ZNF232: variants seen among roughly 807,000 people sequenced by gnomAD.
ZNF232 encodes the protein zinc finger and SCAN domain-containing protein 11.
In ZNF232, 25 loss-of-function variants were observed where a neutral mutation model predicts 25.2. That is an observed-to-expected ratio of 0.99 (90% CI 0.72 to 1.39). The LOEUF (loss-of-function observed/expected upper bound fraction) is 1.39, where lower values mean the gene tolerates loss of function less well. ZNF232 is among the 40% of genes most tolerant of loss of function. ZNF232 has a pLI of 0.00. For synonymous variants in ZNF232, 193 were observed against 182.9 expected (o/e 1.06, Z -0.45); for missense variants, 519 against 520.9 (o/e 1.00, Z 0.04).
chr17:5,119,846 A>T (rs2072612085), intron 1 of ZNF232, among the ~76,000 whole-genome samples: 1 of 152,180 alleles, frequency 6.6e-6, no homozygotes, highest in Non-Finnish European at 1.5e-5. Context: ...TGACCCGTGA[A>T]GAAACTGAAG....
chr17:5,118,845 A>G (rs891309188), intron 1 of ZNF232, among the ~76,000 whole-genome samples: 2 of 152,188 alleles, frequency 1.3e-5, no homozygotes, highest in Admixed American at 6.5e-5. Flanking sequence ...TCTCTCATCT[A>G]CTGACTGAGT....
At chr17:5,119,792 C>T (rs987414459) in intron 1 of ZNF232, among the ~76,000 whole-genome samples, 56 of 152,212 alleles carry the variant, frequency 3.7e-4, no homozygotes, top group African/African-American at 1.4e-3. Flanking sequence ...CAGCCATCAT[C>T]TCAGCTGATA....
intron 3 of ZNF232, 98 bp downstream of exon 3, chr17:5,108,824 CATTT>C (rs2072323713): frequency 6.4e-7 from 1 of 1,551,816 alleles, no homozygotes; most frequent in Admixed American, 1.8e-5. Context: ...TGATACCAAA[CATTT>C]AAGCACCTAC....
intron 1 of ZNF232, among the ~76,000 whole-genome samples, chr17:5,122,673 C>T (rs998131936): frequency 6.6e-6 from 1 of 152,210 alleles, no homozygotes; most frequent in Non-Finnish European, 1.5e-5. Flanking sequence ...CTCCGCCCTT[C>T]CCGGGAACAA....
chr17:5,106,628 A>G, intron 3 of ZNF232, 95 bp from the exon 4 acceptor site: 2 of 1,063,252 alleles, frequency 1.9e-6, no homozygotes, highest in Non-Finnish European at 2.7e-6. Flanking sequence ...CAAACATTCG[A>G]AGAATATTTA....
At chr17:5,112,033 C>T, upstream of ZNF232, 2 of 704,084 alleles carry the variant, frequency 2.8e-6, no homozygotes, top group Non-Finnish European at 2.3e-6. Flanking sequence ...AAAGAGCGCG[C>T]CGCCTGCACG....
At chr17:5,108,533 A>G (rs76494640) in intron 3 of ZNF232, among the ~76,000 whole-genome samples, 7 of 151,908 alleles carry the variant, frequency 4.6e-5, no homozygotes, top group South Asian at 2.1e-4. Flanking sequence ...AAAAAAAAAA[A>G]GGATCTCAAG....
upstream of ZNF232, chr17:5,112,115 C>A (rs2072430999): frequency 3.9e-6 from 2 of 512,118 alleles, no homozygotes; most frequent in Admixed American, 3.7e-5. Context: ...GAGAGTGAGC[C>A]CTTGTAAGCG....
At chr17:5,109,895 CT>C (rs113119643) in intron 1 of ZNF232, 27 bp from the exon 2 acceptor site, 69,474 of 1,002,068 alleles carry the variant, frequency 0.069, no homozygotes, top group South Asian at 0.08. Flanking sequence ...AATCATTCCT[CT>C]TTTTTTTTTT....
intron 1 of ZNF232, chr17:5,118,202 T>C (rs1341540256): frequency 6.6e-6 from 1 of 152,476 alleles, no homozygotes. Context: ...TGATACAGGA[T>C]TTTTTTCCTT....
At chr17:5,111,699 C>A in intron 1 of ZNF232, 101 bp downstream of exon 1, 1 of 1,587,452 alleles carries the variant, frequency 6.3e-7, no homozygotes. Flanking sequence ...AACCGCGGAG[C>A]TGCCTGCCAG....
chr17:5,118,972 C>G (rs1221999371), intron 1 of ZNF232, among the ~76,000 whole-genome samples: 2 of 152,174 alleles, frequency 1.3e-5, no homozygotes, highest in African/African-American at 4.8e-5. Context: ...AGGGAGTAAG[C>G]AAACAGGAAT....
chr17:5,108,826 T>C (rs2072323792), intron 3 of ZNF232, 100 bp downstream of exon 3: 1 of 1,558,142 alleles, frequency 6.4e-7, no homozygotes, highest in African/African-American at 1.4e-5. Flanking sequence ...ATACCAAACA[T>C]TTAAGCACCT....
intron 3 of ZNF232, 61 bp from the exon 4 acceptor site, chr17:5,106,594 G>T: frequency 7.3e-7 from 1 of 1,376,764 alleles, no homozygotes; most frequent in Non-Finnish European, 9.9e-7. Context: ...GAAAACAAAT[G>T]CTTAAAAACA....
chr17:5,107,487 C>T (rs1035893290), intron 3 of ZNF232, among the ~76,000 whole-genome samples: 1 of 150,622 alleles, frequency 6.6e-6, no homozygotes, highest in African/African-American at 2.4e-5. Context: ...GTAATGCTCC[C>T]TATAGCCTAA....
At chr17:5,115,979 G>A (rs1390794112), upstream of ZNF232, among the ~76,000 whole-genome samples, 1 of 152,240 alleles carries the variant, frequency 6.6e-6, no homozygotes, top group Non-Finnish European at 1.5e-5. Flanking sequence ...GGGCCTCAAA[G>A]CTGTAGGGCT....
chr17:5,115,889 G>A (rs958222555), upstream of ZNF232, among the ~76,000 whole-genome samples: 2 of 152,192 alleles, frequency 1.3e-5, no homozygotes, highest in African/African-American at 4.8e-5. Context: ...GGTCCTCGAG[G>A]CGCCGGGCTA....
At chr17:5,111,870 C>T (rs752512426), upstream of ZNF232, 1 of 1,611,832 alleles carries the variant, frequency 6.2e-7, no homozygotes, top group Non-Finnish European at 8.5e-7. Flanking sequence ...ACCCCAGGGG[C>T]AGGTTTGCGC....
chr17:5,111,610 C>A (rs894091376), intron 1 of ZNF232, 190 bp downstream of exon 1: 1 of 769,344 alleles, frequency 1.3e-6, no homozygotes, highest in Admixed American at 2.7e-5. Context: ...TCAAGACCCC[C>A]CTCCACGGCA....
Sources: allele counts gnomAD v4.1 joint callset (sites outside exome capture counted in the v4.1 genomes callset), GRCh38; gene constraint gnomAD v4.1.1; transcripts MANE v1.5; gene names NCBI Gene and HGNC (gene_info 2026-07-23, HGNC 2026-07-21).